The following EHMT1 variants were observed in gnomAD, a reference collection of about 807,000 sequenced individuals.
EHMT1 encodes the protein euchromatic histone lysine methyltransferase 1.
Under a neutral mutation model 147.2 loss-of-function variants are expected in EHMT1, and 15 were observed. The ratio of observed to expected loss-of-function variants is 0.10; its 90% confidence interval spans 0.07 to 0.16. The LOEUF (loss-of-function observed/expected upper bound fraction) is 0.16. Ranked by LOEUF, EHMT1 falls within the 10% of genes least tolerant of loss-of-function variation. The pLI, the probability that EHMT1 is intolerant of heterozygous loss-of-function variation, is 1.00. For synonymous variants in EHMT1, 795 were observed against 709.6 expected, an observed-to-expected ratio of 1.12 and a Z score of -1.91; for missense variants, 1,587 against 1,772.4, an observed-to-expected ratio of 0.90 and a Z score of 1.88.
At position 137,835,068 on chromosome 9, in the gene EHMT1, G is replaced by A; in HGVS notation, c.*115G>A. 4 of 1,244,508 alleles carry A rather than the reference G, an allele frequency of 3.2e-6. No homozygotes were observed. The highest frequency in any genetic ancestry group is 3.4e-5 in the East Asian group (1 of 29,724). The allele number at this position is 1,244,508 out of a possible 1,614,324, so 77.1% of individuals were successfully genotyped here. A position where few individuals can be genotyped will look rare whatever the true frequency, so the allele number is the denominator to read the frequency against. ...AAGGGTCCTTCGGGGCTGCGCCGCC[G>A]GCTTCCTGGAGGGGTCGGAGGTGAG... On this transcript the variant is annotated 3_prime_UTR_variant, in exon 27 of 27. Transcript: ENST00000460843.
In EHMT1 at chr9:137,721,740, G is replaced by A. The variant is rs531508234; in HGVS notation, c.642+4558G>A. ...TGAAATGTCTTTCAGACTTCTGCTC[G>A]TTTTATGATTGCATTGTTTTGTTAG... is the stretch of plus-strand genomic sequence containing the variant. On this transcript the variant is annotated intron_variant, in intron 3 of 26. Coordinates refer to ENST00000460843, the MANE Select transcript of EHMT1 (RefSeq NM_024757.5). Among the ~76,000 whole-genome samples, 8 of 152,104 alleles carry A rather than the reference G, an allele frequency of 5.3e-5. No homozygotes were observed. The East Asian group carries it at 9.7e-4, about 18-fold the overall frequency.
rs561352925 is a variant in EHMT1, at chr9:137,705,085, G to T, written c.22-5882G>T. Among the ~76,000 whole-genome samples the T allele has an allele frequency of 1.3e-4, 20 of 151,832 alleles. No individual in the cohort carries two copies. The East Asian group carries it at 3.3e-3, about 25-fold the overall frequency. On this transcript the variant is annotated intron_variant, in intron 1 of 26. Coordinates refer to ENST00000460843, the MANE Select transcript of EHMT1 (RefSeq NM_024757.5). ...TCAAGGAAACCTTGAACCAGCCTTG[G>T]TTCAAGGGAACCTCCCACCTCAGCC...
At chr9:137,694,626 CT>C (rs1327527479) in intron 1 of EHMT1, among the ~76,000 whole-genome samples, 2 of 152,224 alleles carry the variant, frequency 1.3e-5, no homozygotes, top group African/African-American at 4.8e-5. Flanking sequence ...TCCAGTTTCA[CT>C]TGGGCGGGTA....
At chr9:137,678,142 T>G (rs1056988628) in intron 1 of EHMT1, among the ~76,000 whole-genome samples, 1 of 152,188 alleles carries the variant, frequency 6.6e-6, no homozygotes, top group Admixed American at 6.5e-5. Flanking sequence ...TAAAAACTAG[T>G]ATATAATCCA....
In EHMT1 at chr9:137,728,535, G is replaced by C. The variant is rs1396201253; in HGVS notation, c.823+6G>C. The C allele has an allele frequency of 1.2e-6, 2 of 1,614,092 alleles. No homozygotes were observed. Among genetic ancestry groups the C allele is most frequent in the Non-Finnish European group, 1.7e-6 (2 of 1,180,026 alleles). On this transcript the variant is annotated splice_donor_region_variant and intron_variant, in intron 4 of 26. Coordinates refer to ENST00000460843, the MANE Select transcript of EHMT1 (RefSeq NM_024757.5). The stretch of plus-strand genomic sequence containing the variant: ...CACCACAAAATCACAGACAGGTAAA[G>C]AGGACCCGGCAACTGTCTCTGCTCT...
At chr9:137,777,789 C>G (rs1240877492) in intron 12 of EHMT1, 93 bp from the exon 13 acceptor site, 2 of 1,552,008 alleles carry the variant, frequency 1.3e-6, no homozygotes, top group African/African-American at 1.4e-5. Flanking sequence ...ATCCGCAGCT[C>G]TCACTTAGAA....
At position 137,791,058 on chromosome 9, in the gene EHMT1, C is replaced by T. The variant is rs77456018; in HGVS notation, c.2505+88C>T. 250 of 1,609,360 alleles carry T rather than the reference C, an allele frequency of 1.6e-4. No individual in the cohort carries two copies. In the East Asian group the frequency reaches 3.8e-3, roughly 25 times the overall value. ...CAAGGGACATCCTTACTGACATCTC[C>T]AGGACTTGGGGCCTTCACACACTGA... On this transcript the variant is annotated intron_variant, in intron 16 of 26. Transcript: ENST00000460843.
intron 3 of EHMT1, 36 bp from the exon 4 acceptor site, chr9:137,728,313 A>G: frequency 6.2e-7 from 1 of 1,613,896 alleles, no homozygotes; most frequent in Non-Finnish European, 8.5e-7. Flanking sequence ...CCACCTGCTT[A>G]TGCAGTTATA....
chr9:137,695,046 G>T (rs1943284071), intron 1 of EHMT1, among the ~76,000 whole-genome samples: 1 of 152,202 alleles, frequency 6.6e-6, no homozygotes, highest in South Asian at 2.1e-4. Context: ...TTTTGGTTTT[G>T]GACCTGAAAG....
At chr9:137,814,690 G>C in intron 22 of EHMT1, 182 bp downstream of exon 22, 8 of 699,806 alleles carry the variant, frequency 1.1e-5, no homozygotes, top group Non-Finnish European at 2.5e-6. Context: ...TCAGGGTCGT[G>C]AGCCGAGGAC....
intron 1 of EHMT1, among the ~76,000 whole-genome samples, chr9:137,645,973 TTTTGAGACA>T (rs1844853397): frequency 6.6e-6 from 1 of 152,176 alleles, no homozygotes; most frequent in East Asian, 1.9e-4. Flanking sequence ...TTACTTTTTT[TTTTGAGACA>T]GAGTCTTGCT....
intron 1 of EHMT1, among the ~76,000 whole-genome samples, chr9:137,693,203 C>T (rs1481352015): frequency 1.3e-5 from 2 of 152,102 alleles, no homozygotes; most frequent in African/African-American, 4.8e-5. Flanking sequence ...GCTAAGGGGA[C>T]TGGACTTGTT....
Position 137,829,823 on chromosome 9 carries a change from A to G in EHMT1, c.3541-4526A>G, listed in dbSNP as rs553664578. Among the ~76,000 whole-genome samples, 20 of 152,318 alleles carry G rather than the reference A, an allele frequency of 1.3e-4. 2 individuals carry two copies. The South Asian group carries it at 4.1e-3, about 32-fold the overall frequency. ...AGGGCTGAGGTTTGGCGACACTCAC[A>G]CCGGGGCTGCTGTGTCCCATAGGGA... On this transcript the variant is annotated intron_variant, in intron 25 of 26. Coordinates refer to ENST00000460843, the MANE Select transcript of EHMT1 (RefSeq NM_024757.5).
chr9:137,634,939 C>T (rs1160417949), intron 1 of EHMT1, among the ~76,000 whole-genome samples: 8 of 134,646 alleles, frequency 5.9e-5, no homozygotes, highest in Admixed American at 1.7e-4. Flanking sequence ...CCAGGATGGT[C>T]TCGATCTCCT....
At chr9:137,791,729 C>T (rs1361154094) in intron 16 of EHMT1, among the ~76,000 whole-genome samples, 1 of 151,232 alleles carries the variant, frequency 6.6e-6, no homozygotes, top group South Asian at 2.1e-4. Flanking sequence ...TTACTAAAAT[C>T]CTAACAGCTT....
intron 1 of EHMT1, among the ~76,000 whole-genome samples, chr9:137,699,791 G>A (rs1359380734): frequency 1.3e-5 from 2 of 152,214 alleles, no homozygotes; most frequent in African/African-American, 4.8e-5. Context: ...GGAGGTTGCA[G>A]TGAGCTGTGG....
At chr9:137,763,146 G>A (rs1949963668) in intron 10 of EHMT1, 1 of 544,722 alleles carries the variant, frequency 1.8e-6, no homozygotes, top group Non-Finnish European at 3.3e-6. Context: ...ATTGAGGCAG[G>A]ATAGTCACAC....
At chr9:137,709,102 C>A (rs1384580301) in intron 1 of EHMT1, among the ~76,000 whole-genome samples, 1 of 152,228 alleles carries the variant, frequency 6.6e-6, no homozygotes, top group Non-Finnish European at 1.5e-5. Context: ...GGGGCTGACA[C>A]CACCGCTTGG....
chr9:137,750,067 A>G (rs1049751838), intron 6 of EHMT1, among the ~76,000 whole-genome samples: 2 of 152,246 alleles, frequency 1.3e-5, no homozygotes, highest in African/African-American at 4.8e-5. Flanking sequence ...GAGTTTGCTG[A>G]GAATATACTC....
Sources: gnomAD v4.1 joint callset for allele counts (sites outside exome capture counted in the v4.1 genomes callset) on GRCh38, gnomAD v4.1.1 for gene constraint, MANE v1.5 for transcripts, NCBI Gene and HGNC (gene_info 2026-07-23, HGNC 2026-07-21) for gene names.